The following BHLHE41 variants were observed in gnomAD, a reference collection of about 807,000 sequenced individuals.
BHLHE41 encodes basic helix-loop-helix family member e41.
Under a neutral mutation model 24.0 loss-of-function variants are expected in BHLHE41, and 14 were observed. That is an observed-to-expected ratio of 0.58 (90% CI 0.39 to 0.91). The LOEUF is 0.91. BHLHE41 is among the 40% of genes least tolerant of loss of function. The pLI, the probability that BHLHE41 is intolerant of heterozygous loss-of-function variation, is 0.00. For synonymous variants in BHLHE41, 394 were observed against 315.5 expected, an observed-to-expected ratio of 1.25 and a Z score of -2.64; for missense variants, 674 against 655.4, an observed-to-expected ratio of 1.03 and a Z score of -0.31.
Position 26,122,476 on chromosome 12 carries a change from AG to A in BHLHE41, c.1038del (p.Phe347SerfsTer156). 1.5e-6 allele frequency: 2 copies of A among 1,339,970 alleles called. No individual in the cohort carries two copies. Among genetic ancestry groups the A allele is most frequent in the South Asian group, 1.7e-5 (1 of 60,384 alleles). 83.0% of individuals were successfully genotyped at this position (1,339,970 alleles called of 1,614,324 possible). A position where few individuals can be genotyped will look rare whatever the true frequency, so the allele number is the denominator to read the frequency against. On this transcript the variant is annotated frameshift_variant, in exon 5 of 5. Coordinates refer to ENST00000242728, the MANE Select transcript of BHLHE41 (RefSeq NM_030762.3). LOFTEE classifies it high-confidence loss of function. ...GAGAGGAAGCAGAAGGGCAGGCAGAAGGGGGCCGCGGCGGCCGCGGGCTGCG... is the reference window on the plus strand; with the variant it reads ...GAGAGGAAGCAGAAGGGCAGGCAGAAGGGGCCGCGGCGGCCGCGGGCTGCG... ...PFPQPAAAAA[P>X]FCLPFCFLSP...
chr12:26,122,691 G>C lies in BHLHE41; in HGVS notation c.824C>G (p.Pro275Arg). The C allele has an allele frequency of 6.4e-7, 1 of 1,562,144 alleles. No individual in the cohort carries two copies. The highest frequency in any genetic ancestry group is 8.6e-7 in the Non-Finnish European group (1 of 1,159,558). The change falls in exon 5 of 5, where the codon CCG (proline) becomes CGG (arginine). Residue 275 changes from proline to arginine, a missense_variant. Coordinates refer to ENST00000242728, the MANE Select transcript of BHLHE41 (RefSeq NM_030762.3). Reference protein sequence around the residue: ...IKQEPPGEDSPAPKRMKLDSR... With the variant: ...IKQEPPGEDSRAPKRMKLDSR... ...ATCCAGCTTCATCCTCTTGGGCGCC[G>C]GCGAGTCCTCCCCGGGAGGCTCCTG...
rs563509667 is a variant in BHLHE41 at position 26,122,169 on chromosome 12, G to T, written c.1346C>A (p.Pro449Gln). 1.8e-5 allele frequency: 27 copies of T among 1,508,688 alleles called. 1 individual carries two copies. The African/African-American group carries it at 3.3e-4, about 18-fold the overall frequency. The allele number at this position is 1,508,688 out of a possible 1,614,324, so 93.5% of individuals were successfully genotyped here. Residue 449 changes from proline (P) to glutamine (Q), a missense_variant, in exon 5 of 5, where the codon CCG becomes CAG. Around this residue, in one of 3 missense-constraint regions of BHLHE41, gnomAD observed 602 missense variants for 570.8 expected, o/e 1.05. Coordinates refer to ENST00000242728, the MANE Select transcript of BHLHE41 (RefSeq NM_030762.3). ...APLGAPHPQHPHGRTHLPFAG... is the reference protein window; with the variant it reads ...APLGAPHPQHQHGRTHLPFAG... ...GAAGGGCAGGTGGGTGCGGCCGTGC[G>T]GGTGCTGGGGGTGCGGCGCCCCAAG...
rs1468683243 is a variant in BHLHE41, at chr12:26,122,479, GGGCCGCGGC to G, written c.1027_1035del (p.Ala343_Ala345del). 3 of 1,341,420 alleles carry G rather than the reference GGGCCGCGGC, an allele frequency of 2.2e-6. No homozygotes were observed. The highest frequency in any genetic ancestry group is 2.9e-6 in the Non-Finnish European group (3 of 1,036,354). The allele number at this position is 1,341,420 out of a possible 1,614,324, so 83.1% of individuals were successfully genotyped here. On this transcript the variant is annotated inframe_deletion, in exon 5 of 5. Coordinates refer to ENST00000242728, the MANE Select transcript of BHLHE41 (RefSeq NM_030762.3). ...AGGAAGCAGAAGGGCAGGCAGAAGGGGGCCGCGGCGGCCGCGGGCTGCGGGAAGGGCGCG... is the reference window on the plus strand; with the variant it reads ...AGGAAGCAGAAGGGCAGGCAGAAGGGGGCCGCGGGCTGCGGGAAGGGCGCG...
At position 26,122,875 on chromosome 12, in the gene BHLHE41, G is replaced by C; in HGVS notation, c.640C>G (p.Leu214Val). The change falls in exon 5 of 5, where the codon CTC becomes GTC. Residue 214 changes from leucine (L) to valine (V), a missense_variant. Transcript: ENST00000242728. ...TGGATGACGGGCACGCAGTAGGCGA[G>C]GGGCTCCAGCTTCTGCCCCGCGCGC... ...LERAGQKLEP[L>V]AYCVPVIQRT... 6.4e-7 allele frequency: 1 copy of C among 1,557,442 alleles called. No individual in the cohort carries two copies.
Position 26,122,759 on chromosome 12 carries a change from G to T in BHLHE41, c.756C>A (p.Arg252=). The part of the protein sequence containing the change: ...YGGEAEARPD[R]EKGKGAGASR... ...TCGCCCCCGCGCCTTTGCCTTTCTC[G>T]CGGTCCGGCCGGGCCTCGGCTTCGC... is the stretch of plus-strand genomic sequence containing the variant. The change falls in exon 5 of 5, where the codon CGC becomes CGA. Residue 252 remains arginine (R), a synonymous_variant. Transcript: ENST00000242728. 1.3e-6 allele frequency: 2 copies of T among 1,595,288 alleles called. No individual in the cohort carries two copies. Among genetic ancestry groups the T allele is most frequent in the African/African-American group, 1.4e-5 (1 of 73,274 alleles).
At position 26,124,283 on chromosome 12, in the gene BHLHE41, C is replaced by T. The variant is rs1313589232; in HGVS notation, c.127-104G>A. 7 of 689,434 alleles carry T rather than the reference C, an allele frequency of 1.0e-5. No homozygotes were observed. In the African/African-American group the frequency reaches 1.3e-4, roughly 12 times the overall value. The allele number at this position is 689,434 out of a possible 1,614,324, so 42.7% of individuals were successfully genotyped here. On this transcript the variant is annotated intron_variant, in intron 2 of 4. Transcript: ENST00000242728. ...CCCCGCCCCCCCACCATAAAACATA[C>T]TATGTGATAAACTACACCCAAGAAA...
intron 3 of BHLHE41, 91 bp from the exon 4 acceptor site, chr12:26,123,832 CA>C: frequency 1.1e-6 from 1 of 886,710 alleles, no homozygotes; most frequent in Non-Finnish European, 1.9e-6. Context: ...GCAATTTAAG[CA>C]AACACTTTGA....
chr12:26,124,958 G>GCACA lies in BHLHE41; in HGVS notation c.-183_-180dup. 2 of 690,570 alleles carry GCACA rather than the reference G, an allele frequency of 2.9e-6. No homozygotes were observed. The highest frequency in any genetic ancestry group is 5.2e-6 in the Non-Finnish European group (2 of 382,744). 42.8% of individuals were successfully genotyped at this position (690,570 alleles called of 1,614,324 possible). A position where few individuals can be genotyped will look rare whatever the true frequency, so the allele number is the denominator to read the frequency against. ...TTGGTCCCCCCCCTCCACCGCGCTC[G>GCACA]CACACACACACGCACACACACGCAC... On this transcript the variant is annotated 5_prime_UTR_variant, in exon 1 of 5. Coordinates refer to ENST00000242728, the MANE Select transcript of BHLHE41 (RefSeq NM_030762.3).
In BHLHE41 at chr12:26,121,375, T is replaced by C. The variant is rs943433351; in HGVS notation, c.*691A>G. On this transcript the variant is annotated 3_prime_UTR_variant, in exon 5 of 5. Transcript: ENST00000242728. Reference sequence around the variant, plus strand: ...TCTGACGATGGCCCAGCTCCGTGTTTCTTTAACGAGTGCAAGTTACTAAGA... The same window carrying C: ...TCTGACGATGGCCCAGCTCCGTGTTCCTTTAACGAGTGCAAGTTACTAAGA... The C allele has an allele frequency of 1.3e-5, 2 of 152,678 alleles. No individual in the cohort carries two copies. The highest frequency in any genetic ancestry group is 2.9e-5 in the Non-Finnish European group (2 of 68,070). The allele number at this position is 152,678 out of a possible 1,614,324, so 9.5% of individuals were successfully genotyped here.
In BHLHE41 at chr12:26,120,314, G is replaced by A. The variant is rs1591837239; in HGVS notation, c.*1752C>T. 6.6e-6 allele frequency: 1 copy of A among 152,542 alleles called. No homozygotes were observed. The highest frequency in any genetic ancestry group is 2.1e-4 in the South Asian group (1 of 4,822). The allele number at this position is 152,542 out of a possible 1,614,324, so 9.4% of individuals were successfully genotyped here. On this transcript the variant is annotated 3_prime_UTR_variant, in exon 5 of 5. Coordinates refer to ENST00000242728, the MANE Select transcript of BHLHE41 (RefSeq NM_030762.3). Reference sequence around the variant, plus strand: ...GAATTTTTAAATCACAAAATAGTGTGGCAATATTTAGGTAATAGAATTTAT... The same window carrying A: ...GAATTTTTAAATCACAAAATAGTGTAGCAATATTTAGGTAATAGAATTTAT...
Position 26,122,384 on chromosome 12 carries a change from G to C in BHLHE41, c.1131C>G (p.Tyr377Ter), listed in dbSNP as rs1944316898. 4 of 1,245,414 alleles carry C rather than the reference G, an allele frequency of 3.2e-6. No individual in the cohort carries two copies. The highest frequency in any genetic ancestry group is 4.0e-6 in the Non-Finnish European group (4 of 988,536). The allele number at this position is 1,245,414 out of a possible 1,614,324, so 77.1% of individuals were successfully genotyped here. ...LDKSGLEKYL[Y>*]PAAAAAPFPL... ...GGAACGGGGCGGCAGCCGCCGCCGG[G>C]TACAGATACTTCTCCAGGCCGCTCT... The change falls in exon 5 of 5, where the codon TAC becomes TAG. Residue 377 changes from tyrosine to a stop codon, truncating the protein, a stop_gained. Coordinates refer to ENST00000242728, the MANE Select transcript of BHLHE41 (RefSeq NM_030762.3). LOFTEE classifies it high-confidence loss of function.
At position 26,122,650 on chromosome 12, in the gene BHLHE41, TGCC is replaced by T; in HGVS notation, c.862_864del (p.Gly288del). 5.2e-6 allele frequency: 7 copies of T among 1,346,624 alleles called. No individual in the cohort carries two copies. The highest frequency in any genetic ancestry group is 2.3e-5 in the South Asian group (1 of 42,862). 83.4% of individuals were successfully genotyped at this position (1,346,624 alleles called of 1,614,324 possible). Reference sequence around the variant, plus strand: ...GCGCCGCCCCCCGGGCCGCCGCCGCTGCCGCCGCCGCGGGAATCCAGCTTCATC... The same window carrying T: ...GCGCCGCCCCCCGGGCCGCCGCCGCTGCCGCCGCGGGAATCCAGCTTCATC... On this transcript the variant is annotated inframe_deletion, in exon 5 of 5. Transcript: ENST00000242728.
In BHLHE41 at chr12:26,124,783, C is replaced by A; in HGVS notation, c.-4G>T. On this transcript the variant is annotated 5_prime_UTR_variant, in exon 1 of 5. Coordinates refer to ENST00000242728, the MANE Select transcript of BHLHE41 (RefSeq NM_030762.3). ...AATGAGGAATTCCTTCGTCCATGTTCAACTGCTGTTCGTTTCCTCTGTTTC... is the reference window on the plus strand; with the variant it reads ...AATGAGGAATTCCTTCGTCCATGTTAAACTGCTGTTCGTTTCCTCTGTTTC... 6.8e-6 allele frequency: 11 copies of A among 1,614,164 alleles called. No homozygotes were observed. Among genetic ancestry groups the A allele is most frequent in the Non-Finnish European group, 9.3e-6 (11 of 1,180,026 alleles).
Position 26,122,051 on chromosome 12 carries a change from T to G in BHLHE41, c.*15A>C. The G allele has an allele frequency of 6.5e-7, 1 of 1,549,146 alleles. No homozygotes were observed. The highest frequency in any genetic ancestry group is 8.7e-7 in the Non-Finnish European group (1 of 1,146,228). On this transcript the variant is annotated 3_prime_UTR_variant, in exon 5 of 5. Transcript: ENST00000242728. ...CTCACTCTGCTTGAACCTCCGTCCTTCGGGACGCAAGGATTCAGGGAGCTT... is the reference window on the plus strand; with the variant it reads ...CTCACTCTGCTTGAACCTCCGTCCTGCGGGACGCAAGGATTCAGGGAGCTT...
intron 3 of BHLHE41, 143 bp from the exon 4 acceptor site, chr12:26,123,884 C>A: frequency 1.3e-6 from 1 of 768,494 alleles, no homozygotes. Context: ...TTCCACAAGA[C>A]AGGTTATAAA....
Position 26,124,533 on chromosome 12 carries a change from G to C in BHLHE41, c.112C>G (p.Arg38Gly), listed in dbSNP as rs777431671. Reference protein sequence around the residue: ...YMCKPKRSMKRDDTKDTYKLP... With the variant: ...YMCKPKRSMKGDDTKDTYKLP... ...CTTACACTTACCTTGGTGTCGTCTC[G>C]TTTCATGCTCCTTTTGGGTTTACAC... is the stretch of plus-strand genomic sequence containing the variant. Residue 38 changes from arginine (R) to glycine (G), a missense_variant, in exon 2 of 5, where the codon CGA becomes GGA. Physicochemically the swap from Arg to Gly is moderately radical, Grantham distance 125 (BLOSUM62 -2). Around this residue, in one of 3 missense-constraint regions of BHLHE41, gnomAD observed 67 missense variants for 62.4 expected, o/e 1.07. Transcript: ENST00000242728. The C allele has an allele frequency of 5.0e-6, 8 of 1,614,070 alleles. No individual in the cohort carries two copies. Among genetic ancestry groups the C allele is most frequent in the Non-Finnish European group, 6.8e-6 (8 of 1,180,000 alleles).
Position 26,124,842 on chromosome 12 carries a change from C to A in BHLHE41, c.-63G>T, listed in dbSNP as rs1258354034. ...GGGCTCTGTACAATAATCTGTGGGA[C>A]GGTAGGCTTGGGAGACCTTGGGGGG... On this transcript the variant is annotated 5_prime_UTR_variant, in exon 1 of 5. Transcript: ENST00000242728. 4 of 1,554,058 alleles carry A rather than the reference C, an allele frequency of 2.6e-6. No homozygotes were observed. Among genetic ancestry groups the A allele is most frequent in the African/African-American group, 2.7e-5 (2 of 73,578 alleles).
rs1002376080 is a variant in BHLHE41, at chr12:26,121,852, G to GGA, written c.*212_*213dup. ...GGGGAAGAAAGGGATGTTAGTGTGT[G>GGA]GAGGGTGGGGTGGTGCGGGATGAGC... On this transcript the variant is annotated 3_prime_UTR_variant, in exon 5 of 5. Transcript: ENST00000242728. The GGA allele has an allele frequency of 4.2e-6, 5 of 1,177,812 alleles. No individual in the cohort carries two copies. Among genetic ancestry groups the GGA allele is most frequent in the Non-Finnish European group, 5.8e-6 (5 of 862,132 alleles). 73.0% of individuals were successfully genotyped at this position (1,177,812 alleles called of 1,614,324 possible).
rs746947178 is a variant in BHLHE41 at position 26,123,086 on chromosome 12, C to T, written c.429G>A (p.Leu143=). Residue 143 remains leucine, a synonymous_variant, in exon 5 of 5, where the codon TTG becomes TTA. Transcript: ENST00000242728. The part of the protein sequence containing the change: ...SGFQTCAKEV[L]QYLSRFESWT... Reference sequence around the variant, plus strand: ...AGCTCTCAAACCGGGAGAGGTATTGCAAGACTTCTTTGGCGCATGTTTGAA... The same window carrying T: ...AGCTCTCAAACCGGGAGAGGTATTGTAAGACTTCTTTGGCGCATGTTTGAA... The T allele has an allele frequency of 1.2e-6, 2 of 1,604,120 alleles. No homozygotes were observed. Among genetic ancestry groups the T allele is most frequent in the Non-Finnish European group, 1.7e-6 (2 of 1,175,306 alleles).
Sources: gnomAD v4.1 joint callset for allele counts on GRCh38, gnomAD v4.1.1 for gene constraint, gnomAD v4.1.1 regional missense constraint, MANE v1.5 for transcripts, NCBI Gene and HGNC (gene_info 2026-07-23, HGNC 2026-07-21) for gene names.